The following CEP128 variants were observed in gnomAD, a reference collection of about 807,000 sequenced individuals.
The protein encoded by CEP128 is centrosomal protein 128.
Under a neutral mutation model 156.7 loss-of-function variants are expected in CEP128, and 132 were observed. The ratio of observed to expected loss-of-function variants is 0.84; its 90% CI spans 0.73 to 0.97. CEP128 has a LOEUF of 0.97. CEP128 is among the 50% of genes least tolerant of loss of function. CEP128 has a pLI of 0.00. For missense variants in CEP128, 1,252 were observed against 1,281.9 expected (o/e 0.98, Z 0.36); for synonymous variants, 469 against 448.9 (o/e 1.04, Z -0.57).
At chr14:80,927,040 T>C (rs572935366) in intron 2 of CEP128, among the ~76,000 whole-genome samples, 1 of 152,284 alleles carries the variant, frequency 6.6e-6, no homozygotes, top group Admixed American at 6.5e-5. Context: ...TGGATCCCTT[T>C]TAGACATTCT....
chr14:80,504,371 C>G (rs560752247), intron 24 of CEP128, among the ~76,000 whole-genome samples: 1 of 152,184 alleles, frequency 6.6e-6, no homozygotes, highest in Non-Finnish European at 1.5e-5. Context: ...TAAGCTGAAA[C>G]TTGAAGACCA....
chr14:80,740,551 C>T (rs1667576), intron 19 of CEP128, among the ~76,000 whole-genome samples: 61,005 of 139,772 alleles, frequency 0.44, 12,910 homozygotes, highest in Middle Eastern at 0.56. Context: ...GATAGACAGA[C>T]AGATAGATAG....
rs531786551 is a variant in CEP128 at position 80,559,941 on chromosome 14, A to C, written c.2857-639T>G. On this transcript the variant is annotated intron_variant, in intron 20 of 24. Transcript: ENST00000555265. ...CGATGCATCAAAAGCTAAATGATTA[A>C]GAAAATGTTTGTATTCTCAACTCCA... Among the ~76,000 whole-genome samples the C allele has an allele frequency of 5.0e-4, 76 of 152,358 alleles. 2 individuals are homozygous for C. In the Middle Eastern group the frequency reaches 0.024, roughly 48 times the overall value.
chr14:80,768,726 G>T (rs1315963655), intron 16 of CEP128, among the ~76,000 whole-genome samples: 4 of 152,134 alleles, frequency 2.6e-5, no homozygotes, highest in African/African-American at 9.7e-5. Context: ...TCTTAGGCAG[G>T]CTTACAAAAG....
chr14:80,608,510 A>C (rs1892872579), intron 19 of CEP128, among the ~76,000 whole-genome samples: 1 of 152,148 alleles, frequency 6.6e-6, no homozygotes, highest in Non-Finnish European at 1.5e-5. Flanking sequence ...TTGCTTTTAG[A>C]CTATAATCTA....
At chr14:80,597,171 C>T (rs1223630814) in intron 19 of CEP128, among the ~76,000 whole-genome samples, 1 of 151,796 alleles carries the variant, frequency 6.6e-6, no homozygotes, top group Non-Finnish European at 1.5e-5. Flanking sequence ...CAAACCTTTA[C>T]CAAGATTGAC....
chr14:80,955,753 T>C (rs1886633581), intron 2 of CEP128: 1 of 1,614,160 alleles, frequency 6.2e-7, no homozygotes. Context: ...AATGGGGTGT[T>C]CGTCTCCACC....
intron 19 of CEP128, among the ~76,000 whole-genome samples, chr14:80,729,954 T>A (rs138703624): frequency 6.6e-6 from 1 of 152,184 alleles, no homozygotes; most frequent in Non-Finnish European, 1.5e-5. Context: ...AAACTCAGCA[T>A]GAACAAAGAC....
intron 19 of CEP128, among the ~76,000 whole-genome samples, chr14:80,583,533 T>C (rs1891678076): frequency 6.6e-6 from 1 of 152,158 alleles, no homozygotes; most frequent in African/African-American, 2.4e-5. Context: ...TTTTAGAGGA[T>C]TAATGTGAAT....
At chr14:80,857,497 C>T (rs769327442) in intron 9 of CEP128, among the ~76,000 whole-genome samples, 18 of 151,846 alleles carry the variant, frequency 1.2e-4, no homozygotes, top group African/African-American at 3.9e-4. Flanking sequence ...CTTTAGGAGG[C>T]CAAGGTGGGC....
chr14:80,538,362 A>C (rs894887347), intron 21 of CEP128, among the ~76,000 whole-genome samples: 2 of 152,224 alleles, frequency 1.3e-5, no homozygotes, highest in African/African-American at 4.8e-5. Flanking sequence ...AAGTAATAGA[A>C]GTGTAATAGC....
intron 19 of CEP128, among the ~76,000 whole-genome samples, chr14:80,672,356 A>T (rs567535646): frequency 0.074 from 4,240 of 57,592 alleles, 209 homozygotes; most frequent in African/African-American, 0.3. Flanking sequence ...GTCTTTTTTA[A>T]AAAAAAAATC....
chr14:80,683,119 A>C (rs1896387230), intron 19 of CEP128, among the ~76,000 whole-genome samples: 1 of 152,128 alleles, frequency 6.6e-6, no homozygotes, highest in African/African-American at 2.4e-5. Context: ...TCAAAACCTC[A>C]AATATCAATA....
chr14:80,732,844 G>A (rs1032507806), intron 19 of CEP128, among the ~76,000 whole-genome samples: 3 of 152,190 alleles, frequency 2.0e-5, no homozygotes, highest in Non-Finnish European at 4.4e-5. Context: ...CAGACTACAG[G>A]TTAGGAAGAT....
At chr14:80,542,805 G>C (rs1181958519) in intron 21 of CEP128, among the ~76,000 whole-genome samples, 1 of 152,190 alleles carries the variant, frequency 6.6e-6, no homozygotes, top group East Asian at 1.9e-4. Context: ...ACCTGGAGCA[G>C]AGGGTCCTGA....
chr14:80,517,554 T>C (rs1319790752), intron 23 of CEP128, among the ~76,000 whole-genome samples: 1 of 152,250 alleles, frequency 6.6e-6, no homozygotes, highest in Non-Finnish European at 1.5e-5. Context: ...CTGTTATTAA[T>C]TTCTAATTTC....
intron 19 of CEP128, chr14:80,742,849 A>G (rs1360050910): frequency 6.0e-6 from 3 of 503,980 alleles, no homozygotes; most frequent in Non-Finnish European, 1.1e-5. Context: ...ATTCCTGCAC[A>G]CAGCCAGTAA....
chr14:80,553,611 T>A (rs1436080335), intron 21 of CEP128, among the ~76,000 whole-genome samples: 1 of 152,226 alleles, frequency 6.6e-6, no homozygotes, highest in African/African-American at 2.4e-5. Context: ...CTTCAGAAGT[T>A]TCTTGGCTAG....
intron 9 of CEP128, among the ~76,000 whole-genome samples, chr14:80,856,487 T>G (rs921017836): frequency 9.2e-5 from 14 of 151,794 alleles, no homozygotes; most frequent in Admixed American, 3.9e-4. Context: ...TTACAAAAAA[T>G]ACAAAAATTA....
Sources: allele counts gnomAD v4.1 joint callset (sites outside exome capture counted in the v4.1 genomes callset), GRCh38; gene constraint gnomAD v4.1.1; transcripts MANE v1.5; gene names NCBI Gene and HGNC (gene_info 2026-07-23, HGNC 2026-07-21).